CLIP3: variants seen among roughly 807,000 people sequenced by gnomAD.
CLIP3 encodes CAP-Gly domain-containing linker protein 3.
CLIP3 carries 15 observed loss-of-function variants against 59.4 expected under a neutral mutation model. That is an observed-to-expected ratio of 0.25 (90% CI 0.17 to 0.39). The LOEUF (loss-of-function observed/expected upper bound fraction) is 0.39, where lower values mean the gene tolerates loss of function less well. CLIP3 is among the 10% of genes least tolerant of loss of function. The pLI is 1.00. For missense variants in CLIP3, 495 were observed against 765.7 expected (o/e 0.65, Z 4.17); for synonymous variants, 300 against 321.6 (o/e 0.93, Z 0.72).
chr19:36,024,339 T>G, intron 7 of CLIP3, 57 bp downstream of exon 7: 1 of 1,479,920 alleles, frequency 6.8e-7, no homozygotes, highest in Non-Finnish European at 9.3e-7. Context: ...CTCCAAGGGA[T>G]TAAGGGGCTG....
chr19:36,025,577 C>A (rs1027191866), intron 6 of CLIP3, among the ~76,000 whole-genome samples: 5 of 146,104 alleles, frequency 3.4e-5, no homozygotes, highest in Non-Finnish European at 7.5e-5. Flanking sequence ...GATGACAGAG[C>A]CAGTCTCTGT....
Position 36,024,430 on chromosome 19 carries a change from C to A in CLIP3, c.884G>T (p.Arg295Leu). 1 of 1,614,136 alleles carries A rather than the reference C, an allele frequency of 6.2e-7. No individual in the cohort carries two copies. ...ATCCAGCAGCACGCGGTCTCCCAGG[C>A]GCAAGCCCAGTGCGCTAAGCATGAG... ...GNLMLSALGL[R>L]LGDRVLLDGQ... The change falls in exon 7 of 14, where the codon CGC (arginine) becomes CTC (leucine). Residue 295 changes from arginine (R) to leucine (L), a missense_variant. Arg to Leu is a moderately radical substitution (Grantham distance 102). Coordinates refer to ENST00000360535, the MANE Select transcript of CLIP3 (RefSeq NM_015526.3).
intron 7 of CLIP3, 83 bp from the exon 8 acceptor site, chr19:36,019,389 G>C (rs1037666706): frequency 6.5e-7 from 1 of 1,528,174 alleles, no homozygotes; most frequent in Non-Finnish European, 8.8e-7. Context: ...AGCAAGGTGG[G>C]TTGCATGAGG....
At chr19:36,017,048 C>T (rs1482023487) in intron 12 of CLIP3, 69 bp from the exon 13 acceptor site, 17 of 1,510,896 alleles carry the variant, frequency 1.1e-5, no homozygotes. Flanking sequence ...CCCATCCAGA[C>T]CCCTTCTCAT....
intron 6 of CLIP3, among the ~76,000 whole-genome samples, chr19:36,025,590 CAAA>C (rs67275508): frequency 2.7e-5 from 3 of 110,766 alleles, no homozygotes; most frequent in African/African-American, 3.3e-5. Context: ...GTCTCTGTCT[CAAA>C]AAAAAAAAAA....
chr19:36,019,292 C>A lies in CLIP3; in HGVS notation c.933G>T (p.Arg311=). The change falls in exon 8 of 14, where the codon CGG becomes CGT. Residue 311 remains arginine (R), a synonymous_variant. Transcript: ENST00000360535. ...TGGCAAACTCCGTGGTCCCACAGAA[C>A]CGCAGTGTGCCCGTCTGGGGAGAGA... ...LLDGQKTGTL[R]FCGTTEFASG... 6.2e-7 allele frequency: 1 copy of A among 1,612,570 alleles called. No homozygotes were observed. Among genetic ancestry groups the A allele is most frequent in the Non-Finnish European group, 8.5e-7 (1 of 1,179,812 alleles).
rs1185600875 is a variant in CLIP3 at position 36,017,292 on chromosome 19, C to T, written c.1516+94G>A. On this transcript the variant is annotated intron_variant, in intron 12 of 13. Transcript: ENST00000360535. Reference sequence around the variant, plus strand: ...TGGACCCTGTGTCCCCAATTAAATACCAGAGACTGTCACCAGTATATACCT... The same window carrying T: ...TGGACCCTGTGTCCCCAATTAAATATCAGAGACTGTCACCAGTATATACCT... The T allele has an allele frequency of 2.5e-6, 3 of 1,216,028 alleles. No individual in the cohort carries two copies. In the African/African-American group the frequency reaches 4.5e-5, roughly 18 times the overall value. The allele number at this position is 1,216,028 out of a possible 1,614,324, so 75.3% of individuals were successfully genotyped here.
intron 6 of CLIP3, among the ~76,000 whole-genome samples, chr19:36,025,443 T>A (rs1026652683): frequency 6.6e-6 from 1 of 151,740 alleles, no homozygotes; most frequent in Admixed American, 6.6e-5. Flanking sequence ...ATACAAAAAT[T>A]AGCCGGGTGT....
chr19:36,032,040 G>T lies in CLIP3; in HGVS notation c.166+152C>A, dbSNP rs916571305. 5 of 418,480 alleles carry T rather than the reference G, an allele frequency of 1.2e-5. No homozygotes were observed. The highest frequency in any genetic ancestry group is 1.7e-5 in the Non-Finnish European group (4 of 233,636). 25.9% of individuals were successfully genotyped at this position (418,480 alleles called of 1,614,324 possible). A position where few individuals can be genotyped will look rare whatever the true frequency, so the allele number is the denominator to read the frequency against. On this transcript the variant is annotated intron_variant, in intron 2 of 13. Transcript: ENST00000360535. The surrounding 1 kb of genome is among the most constrained non-coding windows in gnomAD (Gnocchi z 4.3). The stretch of plus-strand genomic sequence containing the variant: ...TCCATTCTCCAATGGGTGAATGAAT[G>T]AATTAACGAGGGGTGCTCTGCAGCC...
chr19:36,017,734 C>T lies in CLIP3; in HGVS notation c.1372G>A (p.Asp458Asn). 2 of 1,614,186 alleles carry T rather than the reference C, an allele frequency of 1.2e-6. No homozygotes were observed. Among genetic ancestry groups the T allele is most frequent in the Non-Finnish European group, 8.5e-7 (1 of 1,180,034 alleles). Residue 458 changes from aspartate to asparagine, a missense_variant, in exon 11 of 14, where the codon GAT becomes AAT. By Grantham distance (23) the Asp-to-Asn change is conservative (BLOSUM62 1). This residue lies in a region of CLIP3 where 179 missense variants were observed against 226.2 expected (regional missense o/e 0.79). Coordinates refer to ENST00000360535, the MANE Select transcript of CLIP3 (RefSeq NM_015526.3). The part of the protein sequence containing the change: ...IELDQPTGKH[D>N]GSVFGVRYFT... Reference sequence around the variant, plus strand: ...TACCGGACACCGAAGACAGAGCCATCATGCTTGCCTGTGGGCTGGTCCAGC... The same window carrying T: ...TACCGGACACCGAAGACAGAGCCATTATGCTTGCCTGTGGGCTGGTCCAGC...
In CLIP3 at chr19:36,026,695, T is replaced by G; in HGVS notation, c.453A>C (p.Ala151=). 1.2e-6 allele frequency: 2 copies of G among 1,607,816 alleles called. No homozygotes were observed. The highest frequency in any genetic ancestry group is 1.7e-6 in the Non-Finnish European group (2 of 1,178,358). ...RLSQQLLALG[A]DVTLRSRWTN... is the part of the protein sequence containing the mutation. ...TCCAGCGGCTGCGCAGCGTCACATC[T>G]GCGCCCAGCGCCAGCAGCTGCTGCG... Residue 151 remains alanine, a synonymous_variant, in exon 5 of 14, where the codon GCA becomes GCC. Coordinates refer to ENST00000360535, the MANE Select transcript of CLIP3 (RefSeq NM_015526.3). This position sits in a 1 kb window ranked among gnomAD's most constrained non-coding sequence, Gnocchi z 6.3.
At chr19:36,030,792 T>A (rs561946520) in intron 2 of CLIP3, among the ~76,000 whole-genome samples, 35 of 152,266 alleles carry the variant, frequency 2.3e-4, no homozygotes, top group Non-Finnish European at 4.0e-4. Context: ...CTGTTCCAAG[T>A]TCAATTCTGC....
In CLIP3 at chr19:36,032,324, G is replaced by T; in HGVS notation, c.34C>A (p.Pro12Thr). The T allele has an allele frequency of 3.1e-6, 4 of 1,275,236 alleles. No individual in the cohort carries two copies. The highest frequency in any genetic ancestry group is 3.0e-6 in the Non-Finnish European group (3 of 1,002,610). The allele number at this position is 1,275,236 out of a possible 1,614,324, so 79.0% of individuals were successfully genotyped here. A position where few individuals can be genotyped will look rare whatever the true frequency, so the allele number is the denominator to read the frequency against. Residue 12 changes from proline to threonine, a missense_variant, in exon 2 of 14, where the codon CCA (proline) becomes ACA (threonine). Physicochemically the swap from Pro to Thr is conservative, Grantham distance 38 (BLOSUM62 -1). Around this residue, in one of 5 missense-constraint regions of CLIP3, gnomAD observed 90 missense variants for 105.2 expected, o/e 0.86. Transcript: ENST00000360535. The surrounding 1 kb of genome is among the most constrained non-coding windows in gnomAD (Gnocchi z 4.3). ...TCTTCTTCCTCCTCTCCTCGGGGTG[G>T]CGGGGCCATCGGGGCAGGATCTGTC... ...TKTDPAPMAP[P>T]PRGEEEEEEE... is the part of the protein sequence containing the mutation.
chr19:36,027,291 A>C lies in CLIP3; in HGVS notation c.167-20T>G. 6.3e-7 allele frequency: 1 copy of C among 1,582,572 alleles called. No individual in the cohort carries two copies. The highest frequency in any genetic ancestry group is 8.6e-7 in the Non-Finnish European group (1 of 1,164,912). On this transcript the variant is annotated intron_variant, in intron 2 of 13. Transcript: ENST00000360535. ...TGAAAGCTGGGGTGGCAAGAGGTCC[A>C]AGGTCACCCCACGCAACTGACCCCC...
rs1968759721 is a variant in CLIP3 at position 36,015,195 on chromosome 19, G to A, written c.*963C>T. 1 of 152,200 alleles carries A rather than the reference G, an allele frequency of 6.6e-6. No homozygotes were observed. The highest frequency in any genetic ancestry group is 2.4e-5 in the African/African-American group (1 of 41,400). The allele number at this position is 152,200 out of a possible 1,614,324, so 9.4% of individuals were successfully genotyped here. On this transcript the variant is annotated 3_prime_UTR_variant, in exon 14 of 14. Coordinates refer to ENST00000360535, the MANE Select transcript of CLIP3 (RefSeq NM_015526.3). ...GATTTTCAAATTTGGGATTCCCTGG[G>A]GATTTGGGATTCCATGATTTGGGGG...
intron 6 of CLIP3, 43 bp from the exon 7 acceptor site, chr19:36,024,675 G>T (rs1969047890): frequency 1.3e-6 from 2 of 1,582,372 alleles, no homozygotes; most frequent in Non-Finnish European, 1.7e-6. Flanking sequence ...CAGTGGCACA[G>T]GTCACACCCC....
chr19:36,023,647 C>A (rs1271465631), intron 7 of CLIP3, among the ~76,000 whole-genome samples: 1 of 151,752 alleles, frequency 6.6e-6, no homozygotes, highest in African/African-American at 2.4e-5. Context: ...CTCAAGTGAT[C>A]CTCCCACCTC....
chr19:36,017,998 G>T lies in CLIP3; in HGVS notation c.1184-7C>A. 6.2e-7 allele frequency: 1 copy of T among 1,613,546 alleles called. No individual in the cohort carries two copies. The highest frequency in any genetic ancestry group is 1.1e-5 in the South Asian group (1 of 91,058). ...GATGGGGTCTTCTTCTTGCCTAAGG[G>T]TAGAAGGTGTAGGAGGTGGGTAGTG... On this transcript the variant is annotated splice_region_variant and splice_polypyrimidine_tract_variant and intron_variant, in intron 9 of 13. Coordinates refer to ENST00000360535, the MANE Select transcript of CLIP3 (RefSeq NM_015526.3).
Position 36,032,068 on chromosome 19 carries a change from G to A in CLIP3, c.166+124C>T. 1 of 482,622 alleles carries A rather than the reference G, an allele frequency of 2.1e-6. No individual in the cohort carries two copies. Among genetic ancestry groups the A allele is most frequent in the Non-Finnish European group, 3.4e-6 (1 of 290,326 alleles). 29.9% of individuals were successfully genotyped at this position (482,622 alleles called of 1,614,324 possible). On this transcript the variant is annotated intron_variant, in intron 2 of 13. Coordinates refer to ENST00000360535, the MANE Select transcript of CLIP3 (RefSeq NM_015526.3). The surrounding 1 kb of genome is among the most constrained non-coding windows in gnomAD (Gnocchi z 4.3). ...TTAACGAGGGGTGCTCTGCAGCCAA[G>A]ATTCCTCTGGACCACCTTCAAATTC...
Sources: allele counts gnomAD v4.1 joint callset (sites outside exome capture counted in the v4.1 genomes callset), GRCh38; gene constraint gnomAD v4.1.1; regional missense constraint gnomAD v4.1.1; non-coding constraint Gnocchi (gnomAD v3.1); transcripts MANE v1.5; gene names NCBI Gene and HGNC (gene_info 2026-07-23, HGNC 2026-07-21).